Variants in FOXP2 observed in about 807,000 individuals in gnomAD.
FOXP2 encodes forkhead box P2, also known as forkhead box protein P2.
In FOXP2, 12 loss-of-function variants were observed where a neutral mutation model predicts 115.8. The observed-to-expected ratio is 0.10, with a 90% confidence interval of 0.07 to 0.17. The LOEUF is 0.17. FOXP2 is among the 10% of genes least tolerant of loss of function. The pLI is 1.00. For synonymous variants in FOXP2, 328 were observed against 297.7 expected (o/e 1.10, Z -1.05); for missense variants, 629 against 843.5 (o/e 0.75, Z 3.15).
chr7:114,202,908 T>C (rs932613300), intron 1 of FOXP2, among the ~76,000 whole-genome samples: 2 of 152,232 alleles, frequency 1.3e-5, no homozygotes, highest in African/African-American at 4.8e-5. Flanking sequence ...TACTGCTTTC[T>C]CTTGATTATC....
intron 1 of FOXP2, among the ~76,000 whole-genome samples, chr7:114,271,771 A>G (rs1292054776): frequency 1.7e-5 from 2 of 118,402 alleles, no homozygotes; most frequent in Non-Finnish European, 3.2e-5. Context: ...TATTTAATAT[A>G]TTATTTATAT....
chr7:114,365,919 G>T (rs1791868654), intron 2 of FOXP2, among the ~76,000 whole-genome samples: 1 of 152,036 alleles, frequency 6.6e-6, no homozygotes, highest in Non-Finnish European at 1.5e-5. Context: ...TTAGGAATGT[G>T]CTACTAATCA....
chr7:114,615,155 G>T (rs1460349050), intron 3 of FOXP2, among the ~76,000 whole-genome samples: 1 of 152,092 alleles, frequency 6.6e-6, no homozygotes, highest in Non-Finnish European at 1.5e-5. Flanking sequence ...GGAGGCGGAG[G>T]TTGCAGTGAG....
chr7:114,364,711 G>C (rs1280654576), intron 2 of FOXP2, among the ~76,000 whole-genome samples: 1 of 152,100 alleles, frequency 6.6e-6, no homozygotes, highest in Non-Finnish European at 1.5e-5. Flanking sequence ...TGGATTTGCA[G>C]TAGGCTCATT....
At chr7:114,328,853 G>A (rs1008279216) in intron 2 of FOXP2, among the ~76,000 whole-genome samples, 3 of 152,112 alleles carry the variant, frequency 2.0e-5, no homozygotes, top group African/African-American at 7.2e-5. Context: ...AGCATTTTTA[G>A]AATCCCTTGA....
At chr7:114,175,905 ATTTTG>A (rs1793277123) in intron 1 of FOXP2, among the ~76,000 whole-genome samples, 1 of 152,266 alleles carries the variant, frequency 6.6e-6, no homozygotes, top group Non-Finnish European at 1.5e-5. Flanking sequence ...ACATATTAAT[ATTTTG>A]TTTTATTTCT....
chr7:114,089,116 C>G (rs1016672601), intron 1 of FOXP2, among the ~76,000 whole-genome samples: 3 of 151,904 alleles, frequency 2.0e-5, no homozygotes, highest in Non-Finnish European at 4.4e-5. Context: ...CATATTCAGT[C>G]GTCAGTCTAG....
At chr7:114,214,684 C>T (rs1001261996) in intron 1 of FOXP2, among the ~76,000 whole-genome samples, 1 of 152,118 alleles carries the variant, frequency 6.6e-6, no homozygotes, top group Non-Finnish European at 1.5e-5. Flanking sequence ...GGTCGTTGCT[C>T]AGTCACTGCC....
intron 2 of FOXP2, among the ~76,000 whole-genome samples, chr7:114,353,847 T>C (rs1358049046): frequency 6.6e-6 from 1 of 152,082 alleles, no homozygotes; most frequent in African/African-American, 2.4e-5. Flanking sequence ...GGTTTTTGAG[T>C]TCCTGTGTAT....
At chr7:114,643,943 A>G (rs1343082723) in intron 7 of FOXP2, among the ~76,000 whole-genome samples, 1 of 152,184 alleles carries the variant, frequency 6.6e-6, no homozygotes, top group Non-Finnish European at 1.5e-5. Flanking sequence ...TACAGTTTAA[A>G]ATAAAATTCT....
chr7:114,142,412 C>T lies in FOXP2; in HGVS notation c.-246-20532C>T, dbSNP rs144125549. 2.8e-3 allele frequency among the ~76,000 whole-genome samples: 420 copies of T among 152,076 alleles called. 1 individual carries two copies. Among genetic ancestry groups the T allele is most frequent in the African/African-American group, 9.6e-3 (398 of 41,476 alleles). ...TTATTTGTAGATAAATATCAATTTT[C>T]TTAATATTATAAATTCCAAAAAAAA... On this transcript the variant is annotated intron_variant, in intron 1 of 19. Coordinates refer to the FOXP2 transcript ENST00000635638.
rs1207040670 is a variant in FOXP2, at chr7:114,426,532, A to G, written c.21A>G (p.Thr7=). MMQESA[T]ETISNSSMNQ... ...AAGTCATGATGCAGGAATCTGCGAC[A>G]GAGACAATAAGCAACAGTTCAATGA... The change falls in exon 2 of 17, where the codon ACA becomes ACG. Residue 7 remains threonine, a synonymous_variant. Coordinates refer to ENST00000350908, the MANE Select transcript of FOXP2 (RefSeq NM_014491.4). 2 of 1,611,088 alleles carry G rather than the reference A, an allele frequency of 1.2e-6. No homozygotes were observed. Among genetic ancestry groups the G allele is most frequent in the Admixed American group, 3.4e-5 (2 of 59,700 alleles).
At chr7:114,666,262 G>A (rs900708674) in intron 16 of FOXP2, 1 of 151,852 alleles carries the variant, frequency 6.6e-6, no homozygotes. Context: ...AAAATTAAAA[G>A]GGGTGTAAAT....
At chr7:114,098,628 G>C (rs2129140242) in intron 1 of FOXP2, among the ~76,000 whole-genome samples, 1 of 152,194 alleles carries the variant, frequency 6.6e-6, no homozygotes, top group East Asian at 1.9e-4. Flanking sequence ...TCCTAGAAGA[G>C]AACATAGGAG....
chr7:114,663,524 T>C lies in FOXP2; in HGVS notation c.1839+5T>C. 1.9e-6 allele frequency: 3 copies of C among 1,608,944 alleles called. No individual in the cohort carries two copies. Among genetic ancestry groups the C allele is most frequent in the Non-Finnish European group, 1.7e-6 (2 of 1,176,260 alleles). On this transcript the variant is annotated splice_donor_5th_base_variant and intron_variant, in intron 15 of 16. Transcript: ENST00000350908. ...GCTCTTAATGCCAGTTTGCAGGTAATGTACTTTCCCAGTTTTGTTGTATTT... is the reference window on the plus strand; with the variant it reads ...GCTCTTAATGCCAGTTTGCAGGTAACGTACTTTCCCAGTTTTGTTGTATTT...
chr7:114,324,694 T>C (rs1019319604), intron 2 of FOXP2, among the ~76,000 whole-genome samples: 3 of 151,892 alleles, frequency 2.0e-5, no homozygotes, highest in African/African-American at 4.8e-5. Flanking sequence ...AGAAATGGTA[T>C]TATTATATCA....
At chr7:114,505,341 T>G (rs1797756432) in intron 2 of FOXP2, among the ~76,000 whole-genome samples, 1 of 151,544 alleles carries the variant, frequency 6.6e-6, no homozygotes, top group African/African-American at 2.4e-5. Flanking sequence ...TTGGCAACAC[T>G]TAGCTTAAGT....
chr7:114,386,020 A>C lies in FOXP2; in HGVS notation c.-10-40482A>C, dbSNP rs140530990. ...CTAGTGTTCAGCTCGATTAGGACGA[A>C]CCCAGGCACTTAACGTTGCAGGAAC... On this transcript the variant is annotated intron_variant, in intron 2 of 17. Transcript: ENST00000634411. Among the ~76,000 whole-genome samples, 1,174 of 152,340 alleles carry C rather than the reference A, an allele frequency of 7.7e-3. 16 individuals are homozygous for C. Among genetic ancestry groups the C allele is most frequent in the African/African-American group, 0.027 (1,109 of 41,582 alleles).
intron 3 of FOXP2, among the ~76,000 whole-genome samples, chr7:114,595,744 A>G (rs1044126863): frequency 6.6e-6 from 1 of 152,136 alleles, no homozygotes; most frequent in Non-Finnish European, 1.5e-5. Flanking sequence ...TGTAAGGATC[A>G]ACAACCTAAT....
Sources: allele counts gnomAD v4.1 joint callset (sites outside exome capture counted in the v4.1 genomes callset), GRCh38; gene constraint gnomAD v4.1.1; transcripts MANE v1.5; gene names NCBI Gene and HGNC (gene_info 2026-07-23, HGNC 2026-07-21).